SYCP2L: variants seen among roughly 807,000 people sequenced by gnomAD.
The protein encoded by SYCP2L is synaptonemal complex protein 2 like, also known as synaptonemal complex protein 2-like.
A neutral mutation model predicts 125.8 loss-of-function variants in SYCP2L; 98 were observed. The observed-to-expected ratio is 0.78, with a 90% CI of 0.66 to 0.92. The LOEUF is 0.92. Among genes scored for constraint, SYCP2L ranks in the 40% least tolerant of loss-of-function variants. The probability of loss-of-function intolerance (pLI) is 0.00; values close to 1 mark genes in which losing one functional copy is unlikely to be tolerated. For synonymous variants in SYCP2L, 317 were observed against 325.4 expected, an observed-to-expected ratio of 0.97 and a Z score of 0.28; for missense variants, 842 against 936.4, an observed-to-expected ratio of 0.90 and a Z score of 1.32.
intron 8 of SYCP2L, among the ~76,000 whole-genome samples, chr6:10,905,813 C>T (rs10484890): frequency 0.12 from 18,528 of 152,128 alleles, 1,307 homozygotes; most frequent in Non-Finnish European, 0.15. Flanking sequence ...GTAGTTCTAG[C>T]ATCTTAAAAA....
intron 23 of SYCP2L, among the ~76,000 whole-genome samples, chr6:10,946,062 C>T (rs988395440): frequency 6.6e-6 from 1 of 152,102 alleles, no homozygotes; most frequent in Non-Finnish European, 1.5e-5. Context: ...CATAGTATGT[C>T]TTTTAACTGG....
intron 29 of SYCP2L, 50 bp downstream of exon 29, chr6:10,963,893 C>T (rs368260027): frequency 2.0e-5 from 29 of 1,421,438 alleles, no homozygotes; most frequent in East Asian, 2.3e-5. Context: ...GGGGTCAGGG[C>T]AGGGAGCAAG....
At chr6:10,922,141 G>C (rs1386336316) in intron 14 of SYCP2L, among the ~76,000 whole-genome samples, 2 of 152,182 alleles carry the variant, frequency 1.3e-5, no homozygotes, top group Non-Finnish European at 1.5e-5. Flanking sequence ...TGGGTGCTCA[G>C]TTAACAGCTT....
intron 23 of SYCP2L, among the ~76,000 whole-genome samples, chr6:10,952,584 G>A (rs368886965): frequency 2.8e-4 from 41 of 144,144 alleles, no homozygotes; most frequent in Non-Finnish European, 3.3e-4. Flanking sequence ...TTGCCACCAA[G>A]AAAAAAAAAA....
Position 10,955,138 on chromosome 6 carries a change from T to A in SYCP2L, c.1977T>A (p.Ala659=). The change falls in exon 24 of 30, where the codon GCT becomes GCA. Residue 659 remains alanine (A), a synonymous_variant. Coordinates refer to ENST00000283141, the MANE Select transcript of SYCP2L (RefSeq NM_001040274.3). ...EDKDIPEGSF[A]KSQQSRLEEE... ...TAGACATACCAGAAGGTAGTTTTGC[T>A]AAGTCACAACAATCAAGATTGGAAG... 6.2e-7 allele frequency: 1 copy of A among 1,613,344 alleles called. No individual in the cohort carries two copies. Among genetic ancestry groups the A allele is most frequent in the Non-Finnish European group, 8.5e-7 (1 of 1,179,264 alleles).
intron 6 of SYCP2L, 46 bp from the exon 7 acceptor site, chr6:10,902,631 T>G (rs748580113): frequency 6.5e-7 from 1 of 1,547,426 alleles, no homozygotes; most frequent in African/African-American, 1.4e-5. Flanking sequence ...AGTCATTTTC[T>G]TACTCTTCCA....
chr6:10,929,011 C>T (rs1780945437), intron 18 of SYCP2L, among the ~76,000 whole-genome samples: 1 of 151,992 alleles, frequency 6.6e-6, no homozygotes, highest in Admixed American at 6.6e-5. Context: ...CCTGCTTCAG[C>T]CTCCTGAGTA....
intron 20 of SYCP2L, among the ~76,000 whole-genome samples, chr6:10,933,865 T>G (rs1339936064): frequency 1.3e-5 from 2 of 152,220 alleles, no homozygotes; most frequent in African/African-American, 2.4e-5. Flanking sequence ...TCCTGCCAAT[T>G]AAAATTTAAA....
chr6:10,908,172 G>A (rs1356825205), intron 10 of SYCP2L, among the ~76,000 whole-genome samples: 3 of 152,110 alleles, frequency 2.0e-5, no homozygotes, highest in Non-Finnish European at 2.9e-5. Context: ...ATAGGCATGA[G>A]CCACCATGTC....
In SYCP2L at chr6:10,902,881, A is replaced by C; in HGVS notation, c.559A>C (p.Lys187Gln). The C allele has an allele frequency of 6.2e-7, 1 of 1,614,186 alleles. No individual in the cohort carries two copies. Among genetic ancestry groups the C allele is most frequent in the Non-Finnish European group, 8.5e-7 (1 of 1,180,030 alleles). The change falls in exon 8 of 30, where the codon AAG becomes CAG. Residue 187 changes from lysine (K) to glutamine (Q), a missense_variant. Transcript: ENST00000283141. ...VNHLLQQEGL[K>Q]TFNCILHAVP... The stretch of plus-strand genomic sequence containing the variant: ...TCTTCTCAATTCCAAAAAGGGCTTG[A>C]AGACTTTTAACTGCATTTTGCACGC...
chr6:10,926,689 G>A (rs1325520278), intron 16 of SYCP2L, among the ~76,000 whole-genome samples: 2 of 152,002 alleles, frequency 1.3e-5, no homozygotes, highest in Non-Finnish European at 2.9e-5. Context: ...GGAAGGTCTT[G>A]TCTACCCACA....
intron 1 of SYCP2L, among the ~76,000 whole-genome samples, chr6:10,890,357 C>T (rs1283010107): frequency 2.6e-5 from 4 of 152,126 alleles, no homozygotes. Flanking sequence ...TCCTTGCCAG[C>T]ATTTGTTGTT....
chr6:10,898,032 AC>A lies in SYCP2L; in HGVS notation c.359del (p.Thr120LysfsTer5). 1 of 1,614,072 alleles carries A rather than the reference AC, an allele frequency of 6.2e-7. No homozygotes were observed. Among genetic ancestry groups the A allele is most frequent in the Non-Finnish European group, 8.5e-7 (1 of 1,179,910 alleles). ...IPKLVSWFER[T>X]TGILTSEGLA... is the part of the protein sequence containing the mutation. ...GTACCTAGTTTCCTGGTTTGAAAGA[AC>A]AACAGGAATTCTGACCTCGGAAGGC... On this transcript the variant is annotated frameshift_variant, in exon 5 of 30. Transcript: ENST00000283141. LOFTEE classifies it high-confidence loss of function.
intron 19 of SYCP2L, 91 bp downstream of exon 19, chr6:10,930,605 C>CA (rs1201994175): frequency 4.3e-6 from 6 of 1,404,960 alleles, no homozygotes; most frequent in Non-Finnish European, 4.8e-6. Flanking sequence ...GGAGTGGGTC[C>CA]AAAGAAATAT....
intron 21 of SYCP2L, among the ~76,000 whole-genome samples, chr6:10,940,248 A>T (rs1781191860): frequency 6.6e-6 from 1 of 152,186 alleles, no homozygotes; most frequent in South Asian, 2.1e-4. Context: ...ATGTAAACTG[A>T]TGCAACTATT....
rs540612009 is a variant in SYCP2L at position 10,903,371 on chromosome 6, AC to A, written c.641+411del. Among the ~76,000 whole-genome samples, 36 of 152,244 alleles carry A rather than the reference AC, an allele frequency of 2.4e-4. No homozygotes were observed. The South Asian group carries it at 7.5e-3, about 32-fold the overall frequency. ...AGACCATCCTGGCTAACACAGTGAA[AC>A]CCTGTCTCCACTAAAAATACAAAAA... On this transcript the variant is annotated intron_variant, in intron 8 of 29. Coordinates refer to ENST00000283141, the MANE Select transcript of SYCP2L (RefSeq NM_001040274.3).
At chr6:10,958,761 T>G (rs1164179794) in intron 25 of SYCP2L, 23 bp from the exon 26 acceptor site, 1 of 1,582,238 alleles carries the variant, frequency 6.3e-7, no homozygotes. Context: ...TGTGATCATC[T>G]TGTTATTGTT....
chr6:10,958,886 G>C lies in SYCP2L; in HGVS notation c.2255+11G>C, dbSNP rs1781549186. On this transcript the variant is annotated intron_variant, in intron 26 of 29. Transcript: ENST00000283141. ...GATGCAACTGTTCAGGTAAGTTTTA[G>C]GTTTCAAAACAAGGTCGTGGAAGTG... The C allele has an allele frequency of 1.2e-6, 2 of 1,612,732 alleles. No homozygotes were observed. The highest frequency in any genetic ancestry group is 1.1e-5 in the South Asian group (1 of 90,984).
chr6:10,942,693 C>G lies in SYCP2L; in HGVS notation c.1901C>G (p.Ser634Ter), dbSNP rs778533640. 1 of 1,613,022 alleles carries G rather than the reference C, an allele frequency of 6.2e-7. No homozygotes were observed. Among genetic ancestry groups the G allele is most frequent in the Non-Finnish European group, 8.5e-7 (1 of 1,179,848 alleles). ...EEKPKIVNQE[S>*]LTESTSLKHK... is the part of the protein sequence containing the mutation. ...GTTTTTAAGATTGTGAACCAAGAAT[C>G]ACTAACAGAAAGTACTAGCTTGAAA... The change falls in exon 23 of 30, where the codon TCA (serine) becomes TGA (stop). Residue 634 changes from serine to a stop codon, truncating the protein, a stop_gained. Transcript: ENST00000283141. LOFTEE classifies it high-confidence loss of function.
Sources: allele counts gnomAD v4.1 joint callset (sites outside exome capture counted in the v4.1 genomes callset), GRCh38; gene constraint gnomAD v4.1.1; transcripts MANE v1.5; gene names NCBI Gene and HGNC (gene_info 2026-07-23, HGNC 2026-07-21).